Variants in ADK observed in about 807,000 individuals in gnomAD.
ADK encodes the protein adenosine kinase.
In ADK, 24 loss-of-function variants were observed where a neutral mutation model predicts 44.7. The observed-to-expected ratio is 0.54, with a 90% CI of 0.39 to 0.76. The LOEUF (loss-of-function observed/expected upper bound fraction) is 0.76. Among genes scored for constraint, ADK ranks in the 30% least tolerant of loss-of-function variants. The pLI, the probability that ADK is intolerant of heterozygous loss-of-function variation, is 0.00. For synonymous variants in ADK, 128 were observed against 142.6 expected, an observed-to-expected ratio of 0.90 and a Z score of 0.73; for missense variants, 321 against 425.1, an observed-to-expected ratio of 0.76 and a Z score of 2.15.
At chr10:74,497,958 C>T (rs1038679788) in intron 6 of ADK, among the ~76,000 whole-genome samples, 1 of 151,868 alleles carries the variant, frequency 6.6e-6, no homozygotes, top group South Asian at 2.1e-4. Flanking sequence ...GGCCCGATCT[C>T]GGCTCACTGC....
intron 6 of ADK, among the ~76,000 whole-genome samples, chr10:74,523,632 G>A (rs1375592184): frequency 6.6e-6 from 1 of 152,074 alleles, no homozygotes; most frequent in East Asian, 1.9e-4. Context: ...GATACTTAGA[G>A]ATCCCTTAGA....
chr10:74,429,706 T>C (rs1478085864), intron 6 of ADK, among the ~76,000 whole-genome samples: 2 of 152,120 alleles, frequency 1.3e-5, no homozygotes, highest in East Asian at 3.9e-4. Flanking sequence ...AAGGAAAAAA[T>C]GTTTGACTAG....
intron 4 of ADK, among the ~76,000 whole-genome samples, chr10:74,385,576 T>C (rs1843114032): frequency 6.6e-6 from 1 of 152,136 alleles, no homozygotes; most frequent in Non-Finnish European, 1.5e-5. Context: ...AAATAATAGG[T>C]GATCAACAAA....
chr10:74,513,467 A>C (rs1278587886), intron 6 of ADK, among the ~76,000 whole-genome samples: 1 of 152,134 alleles, frequency 6.6e-6, no homozygotes, highest in Non-Finnish European at 1.5e-5. Context: ...TGTTGGATCA[A>C]TCCTTTTATA....
chr10:74,462,054 A>G (rs902972778), intron 6 of ADK, among the ~76,000 whole-genome samples: 5 of 152,106 alleles, frequency 3.3e-5, no homozygotes, highest in Admixed American at 3.3e-4. Flanking sequence ...CTTTAAAAGC[A>G]TATGTCTGTT....
intron 7 of ADK, among the ~76,000 whole-genome samples, chr10:74,552,518 G>GT (rs936180271): frequency 3.3e-5 from 5 of 151,962 alleles, no homozygotes; most frequent in Non-Finnish European, 7.4e-5. Flanking sequence ...AAACTGGATT[G>GT]TGGTGATGTT....
At chr10:74,427,415 G>C (rs1189727066) in intron 6 of ADK, among the ~76,000 whole-genome samples, 1 of 152,124 alleles carries the variant, frequency 6.6e-6, no homozygotes, top group Non-Finnish European at 1.5e-5. Flanking sequence ...AGCCAGGATG[G>C]TCTCGATCTC....
intron 1 of ADK, among the ~76,000 whole-genome samples, chr10:74,184,330 T>G (rs1251571420): frequency 6.6e-6 from 1 of 152,150 alleles, no homozygotes; most frequent in African/African-American, 2.4e-5. Flanking sequence ...TATTATTTAT[T>G]ATTATTTTTT....
At chr10:74,271,264 A>G (rs1846418776) in intron 3 of ADK, among the ~76,000 whole-genome samples, 1 of 152,128 alleles carries the variant, frequency 6.6e-6, no homozygotes, top group Non-Finnish European at 1.5e-5. Flanking sequence ...ATATTTGGCA[A>G]TAATTGTCAG....
chr10:74,296,261 T>G (rs1839809703), intron 3 of ADK, among the ~76,000 whole-genome samples: 1 of 152,090 alleles, frequency 6.6e-6, no homozygotes, highest in Non-Finnish European at 1.5e-5. Context: ...TTAATACCAA[T>G]TACATCAAAG....
At chr10:74,257,984 A>G (rs1845890632) in intron 3 of ADK, among the ~76,000 whole-genome samples, 1 of 152,220 alleles carries the variant, frequency 6.6e-6, no homozygotes, top group African/African-American at 2.4e-5. Flanking sequence ...CCACAAGGGT[A>G]TTGAGAGAAC....
chr10:74,655,124 A>G (rs942422286), intron 9 of ADK: 29 of 292,444 alleles, frequency 9.9e-5, no homozygotes, highest in Admixed American at 7.9e-4. Context: ...TTGGGGGTCA[A>G]GAAGAAAACC....
chr10:74,363,356 G>C (rs897284773), intron 4 of ADK, among the ~76,000 whole-genome samples: 1 of 152,124 alleles, frequency 6.6e-6, no homozygotes, highest in Non-Finnish European at 1.5e-5. Flanking sequence ...CGCCCTGAAT[G>C]TTCCTGCACA....
At chr10:74,351,864 T>C (rs1209147002) in intron 4 of ADK, among the ~76,000 whole-genome samples, 1 of 152,050 alleles carries the variant, frequency 6.6e-6, no homozygotes, top group Non-Finnish European at 1.5e-5. Flanking sequence ...ATAAGGGATG[T>C]GAAGGACCTC....
intron 9 of ADK, among the ~76,000 whole-genome samples, chr10:74,623,963 C>T (rs1449947551): frequency 6.6e-6 from 1 of 151,958 alleles, no homozygotes; most frequent in African/African-American, 2.4e-5. Context: ...TACAACTTGG[C>T]GGCAAAATTT....
chr10:74,463,800 T>C (rs767515441), intron 6 of ADK, among the ~76,000 whole-genome samples: 21 of 152,202 alleles, frequency 1.4e-4, no homozygotes, highest in Non-Finnish European at 2.1e-4. Context: ...TGGTATCTTG[T>C]CTTTTTTTTA....
intron 1 of ADK, among the ~76,000 whole-genome samples, chr10:74,178,297 G>T (rs1167064666): frequency 4.6e-5 from 7 of 152,110 alleles, no homozygotes; most frequent in African/African-American, 1.7e-4. Flanking sequence ...TTATGCAGAA[G>T]GAGATTCAGG....
At chr10:74,508,428 T>C (rs1848169002) in intron 6 of ADK, 1 of 152,160 alleles carries the variant, frequency 6.6e-6, no homozygotes, top group Non-Finnish European at 1.5e-5. Context: ...AGAGGAATAA[T>C]ATCAATACAA....
At chr10:74,282,833 T>C (rs573066763) in intron 3 of ADK, among the ~76,000 whole-genome samples, 3 of 152,328 alleles carry the variant, frequency 2.0e-5, no homozygotes, top group African/African-American at 7.2e-5. Context: ...CATATTTTTC[T>C]TTTGCTGTTA....
Sources: allele counts gnomAD v4.1 joint callset (sites outside exome capture counted in the v4.1 genomes callset), GRCh38; gene constraint gnomAD v4.1.1; transcripts MANE v1.5; gene names NCBI Gene and HGNC (gene_info 2026-07-23, HGNC 2026-07-21).